Variants in PTPRK observed in about 807,000 individuals in gnomAD.
PTPRK encodes receptor-type tyrosine-protein phosphatase kappa.
A neutral mutation model predicts 178.0 loss-of-function variants in PTPRK; 75 were observed. That is an observed-to-expected ratio of 0.42 (90% CI 0.35 to 0.51). The LOEUF is 0.51. Ranked by LOEUF, PTPRK falls within the 20% of genes least tolerant of loss-of-function variation. The pLI is 0.02. For synonymous variants in PTPRK, 637 were observed against 620.6 expected (o/e 1.03, Z -0.39); for missense variants, 1,441 against 1,797.8 (o/e 0.80, Z 3.59).
chr6:127,995,631 C>A, intron 17 of PTPRK, 93 bp from the exon 18 acceptor site: 1 of 744,664 alleles, frequency 1.3e-6, no homozygotes, highest in Non-Finnish European at 2.2e-6. Flanking sequence ...CAGTGGTTGC[C>A]CATAGTCTAT....
intron 7 of PTPRK, among the ~76,000 whole-genome samples, chr6:128,103,601 T>C (rs1352765902): frequency 1.3e-5 from 2 of 152,296 alleles, no homozygotes; most frequent in Non-Finnish European, 2.9e-5. Flanking sequence ...TTGAACATCC[T>C]GCGATAGGGG....
At chr6:128,190,779 G>A (rs1404279772) in intron 6 of PTPRK, among the ~76,000 whole-genome samples, 1 of 152,134 alleles carries the variant, frequency 6.6e-6, no homozygotes, top group East Asian at 1.9e-4. Context: ...GATTACAGTT[G>A]TGAGCCACCA....
intron 1 of PTPRK, among the ~76,000 whole-genome samples, chr6:128,468,099 C>T (rs1850118294): frequency 6.6e-6 from 1 of 152,220 alleles, no homozygotes. Context: ...CTGCGTCTAA[C>T]ATCTCGCACA....
chr6:128,481,000 A>C (rs1296456896), intron 1 of PTPRK, among the ~76,000 whole-genome samples: 1 of 152,084 alleles, frequency 6.6e-6, no homozygotes. Flanking sequence ...TATCTCCGCT[A>C]CTAGATTGGT....
intron 3 of PTPRK, among the ~76,000 whole-genome samples, chr6:128,261,213 C>T (rs1818126555): frequency 6.6e-6 from 1 of 152,028 alleles, no homozygotes; most frequent in Admixed American, 6.6e-5. Context: ...TTAGATGATT[C>T]ATTGTTGTAT....
At chr6:128,106,699 A>AT (rs1789777260) in intron 7 of PTPRK, among the ~76,000 whole-genome samples, 1 of 152,190 alleles carries the variant, frequency 6.6e-6, no homozygotes, top group African/African-American at 2.4e-5. Flanking sequence ...AATTCTCAAT[A>AT]TATCATTTAA....
intron 5 of PTPRK, among the ~76,000 whole-genome samples, chr6:128,226,789 TATATATATA>T (rs1384334263): frequency 1.4e-5 from 2 of 143,630 alleles, no homozygotes; most frequent in African/African-American, 5.2e-5. Flanking sequence ...TATATATATA[TATATATATA>T]TTTCAATAAA....
chr6:128,024,419 A>C (rs1261016302), intron 13 of PTPRK, among the ~76,000 whole-genome samples: 2 of 152,198 alleles, frequency 1.3e-5, no homozygotes, highest in East Asian at 3.9e-4. Context: ...GAAAATAAAA[A>C]ATTACTGGTT....
chr6:128,236,089 A>G (rs751950313), intron 5 of PTPRK, among the ~76,000 whole-genome samples: 8 of 152,094 alleles, frequency 5.3e-5, no homozygotes, highest in Non-Finnish European at 1.2e-4. Context: ...GTTTGGTACT[A>G]TGTGTGGTTT....
chr6:128,087,786 G>A lies in PTPRK; in HGVS notation c.1465+1904C>T, dbSNP rs149649242. ...ATTTTAGGAACATGAGTAACTCCAT[G>A]TATAGTTTCCGAACTATATTGCTTC... is the stretch of plus-strand genomic sequence containing the variant. On this transcript the variant is annotated intron_variant, in intron 8 of 29. Transcript: ENST00000368226. 3.2e-3 allele frequency among the ~76,000 whole-genome samples: 485 copies of A among 152,206 alleles called. 1 individual carries two copies. The highest frequency in any genetic ancestry group is 0.011 in the African/African-American group (458 of 41,532).
chr6:128,321,161 C>A (rs76093401), intron 3 of PTPRK: 2 of 152,036 alleles, frequency 1.3e-5, no homozygotes, highest in African/African-American at 2.4e-5. Context: ...TGCTTGCTGA[C>A]CATCATAAAA....
chr6:128,131,193 T>C (rs1452596676), intron 7 of PTPRK, among the ~76,000 whole-genome samples: 1 of 152,182 alleles, frequency 6.6e-6, no homozygotes, highest in African/African-American at 2.4e-5. Flanking sequence ...GCTTTGAGCA[T>C]TCTATTCATG....
At chr6:128,256,747 AT>A (rs1355006487) in intron 3 of PTPRK, among the ~76,000 whole-genome samples, 1 of 151,898 alleles carries the variant, frequency 6.6e-6, no homozygotes, top group African/African-American at 2.4e-5. Context: ...TAGGCAAACT[AT>A]TTTCTATCTG....
intron 3 of PTPRK, among the ~76,000 whole-genome samples, chr6:128,257,187 G>C (rs1007443124): frequency 7.3e-5 from 11 of 150,392 alleles, no homozygotes; most frequent in African/African-American, 2.7e-4. Flanking sequence ...CCCAGATCAC[G>C]CCATTGCACT....
rs920447833 is a variant in PTPRK at position 128,488,924 on chromosome 6, C to CA, written c.100+31334dup. Among the ~76,000 whole-genome samples the CA allele has an allele frequency of 5.0e-3, 705 of 140,948 alleles. 4 individuals carry two copies. The highest frequency in any genetic ancestry group is 0.017 in the African/African-American group (645 of 38,716). 92.5% of individuals were successfully genotyped at this position (140,948 alleles called of 152,430 possible). ...AAAGTAGGATAAGTTTACTCACACA[C>CA]AAAAAAAAAATAAGAAAAACTACTC... is the stretch of plus-strand genomic sequence containing the variant. On this transcript the variant is annotated intron_variant, in intron 1 of 29. Transcript: ENST00000368226.
At chr6:128,404,190 A>G (rs1202386466) in intron 1 of PTPRK, among the ~76,000 whole-genome samples, 1 of 152,238 alleles carries the variant, frequency 6.6e-6, no homozygotes, top group African/African-American at 2.4e-5. Context: ...GCCACAGCCA[A>G]GCAACTGAAC....
chr6:128,368,573 T>C (rs1259325436), intron 2 of PTPRK, among the ~76,000 whole-genome samples: 1 of 152,100 alleles, frequency 6.6e-6, no homozygotes, highest in Non-Finnish European at 1.5e-5. Flanking sequence ...AAATAAATGC[T>C]ACTAACTCAA....
intron 3 of PTPRK, among the ~76,000 whole-genome samples, chr6:128,277,633 T>C (rs1284976013): frequency 6.6e-6 from 1 of 152,188 alleles, no homozygotes; most frequent in Non-Finnish European, 1.5e-5. Context: ...TTTCATCTCC[T>C]GGCCAAAGAA....
chr6:128,504,939 G>A (rs1856102289), intron 1 of PTPRK, among the ~76,000 whole-genome samples: 1 of 151,988 alleles, frequency 6.6e-6, no homozygotes, highest in South Asian at 2.1e-4. Flanking sequence ...AGTGAGTCAC[G>A]ATTCTGGGGT....
Sources: gnomAD v4.1 joint callset for allele counts (sites outside exome capture counted in the v4.1 genomes callset) on GRCh38, gnomAD v4.1.1 for gene constraint, MANE v1.5 for transcripts, NCBI Gene and HGNC (gene_info 2026-07-23, HGNC 2026-07-21) for gene names.